The following AOPEP variants were observed in gnomAD, a reference collection of about 807,000 sequenced individuals.
AOPEP encodes aminopeptidase O.
AOPEP carries 77 observed loss-of-function variants against 98.1 expected under a neutral mutation model. The observed-to-expected ratio is 0.78, with a 90% CI of 0.65 to 0.95. AOPEP has a LOEUF of 0.95. Among genes scored for constraint, AOPEP ranks in the 40% least tolerant of loss-of-function variants. AOPEP has a pLI of 0.00. For synonymous variants in AOPEP, 346 were observed against 365.3 expected (o/e 0.95, Z 0.60); for missense variants, 1,024 against 1,024.7 (o/e 1.00, Z 0.01).
At chr9:94,790,660 T>G (rs921218764) in intron 3 of AOPEP, among the ~76,000 whole-genome samples, 3 of 152,114 alleles carry the variant, frequency 2.0e-5, no homozygotes, top group Non-Finnish European at 2.9e-5. Context: ...GAAATATTAT[T>G]TATTTTTTAC....
intron 7 of AOPEP, chr9:94,931,891 A>G (rs2055373162): frequency 8.1e-7 from 1 of 1,232,642 alleles, no homozygotes. Flanking sequence ...GTCCTTCCTC[A>G]CCTCTCTTGC....
At chr9:94,867,406 G>C (rs1272780731) in intron 5 of AOPEP, among the ~76,000 whole-genome samples, 1 of 152,186 alleles carries the variant, frequency 6.6e-6, no homozygotes, top group Non-Finnish European at 1.5e-5. Context: ...TGGCCTGTTT[G>C]CTTTCAGAGG....
chr9:95,135,373 G>A, the AOPEP span: 655 of 1,613,888 alleles, frequency 4.1e-4, 9 homozygotes, highest in East Asian at 8.0e-3. Context: ...TAAAGCATTC[G>A]ATCCTTCTCA....
chr9:95,118,385 A>G, the AOPEP span, among the ~76,000 whole-genome samples: 1 of 152,390 alleles, frequency 6.6e-6, no homozygotes, highest in Non-Finnish European at 1.5e-5. Flanking sequence ...CCAAAGAGCT[A>G]CAGCTATCTA....
chr9:94,773,296 A>T (rs1207874744), intron 3 of AOPEP, 128 bp downstream of exon 3: 6 of 808,738 alleles, frequency 7.4e-6, no homozygotes, highest in Non-Finnish European at 1.1e-5. Flanking sequence ...TCATAGTATA[A>T]AACATCCTGC....
At chr9:94,728,792 C>T (rs1039970819) in intron 1 of AOPEP, among the ~76,000 whole-genome samples, 2 of 152,182 alleles carry the variant, frequency 1.3e-5, no homozygotes, top group Admixed American at 1.3e-4. Flanking sequence ...TTCTTCCACT[C>T]TCCTGGGAGG....
intron 13 of AOPEP, chr9:95,056,613 G>C (rs2066844630): frequency 6.6e-6 from 1 of 152,200 alleles, no homozygotes; most frequent in South Asian, 2.1e-4. Flanking sequence ...CTCTAGTTTA[G>C]GAGGGTGGGT....
At chr9:94,793,642 A>G (rs549309546) in intron 4 of AOPEP, among the ~76,000 whole-genome samples, 2 of 151,470 alleles carry the variant, frequency 1.3e-5, no homozygotes, top group Non-Finnish European at 2.9e-5. Context: ...GCGCCACCGC[A>G]CTCCAGCCTG....
chr9:95,089,494 C>G (rs571131607), downstream of AOPEP, among the ~76,000 whole-genome samples: 10 of 152,316 alleles, frequency 6.6e-5, no homozygotes, highest in South Asian at 2.1e-3. Flanking sequence ...AGGGTTTGAA[C>G]GCAGGTCCAC....
chr9:94,981,462 A>G (rs1489968520), intron 11 of AOPEP, among the ~76,000 whole-genome samples: 1 of 152,186 alleles, frequency 6.6e-6, no homozygotes, highest in Non-Finnish European at 1.5e-5. Context: ...CAGTAAAAAC[A>G]ACAGGGTCAG....
chr9:95,099,501 C>G, the AOPEP span: 1 of 228,416 alleles, frequency 4.4e-6, no homozygotes, highest in African/African-American at 2.2e-5. Flanking sequence ...TTGCCGAAAT[C>G]GAAGGCAACA....
chr9:94,870,910 C>T (rs749647781), intron 5 of AOPEP, among the ~76,000 whole-genome samples: 41 of 152,314 alleles, frequency 2.7e-4, no homozygotes, highest in African/African-American at 7.0e-4. Flanking sequence ...TAAGGGTGTT[C>T]GGGCTGCTGC....
At chr9:95,020,200 G>A (rs1327889148) in intron 13 of AOPEP, 1 of 152,324 alleles carries the variant, frequency 6.6e-6, no homozygotes, top group Non-Finnish European at 1.5e-5. Flanking sequence ...GCTCCCCAAG[G>A]CAGGCATGGA....
intron 7 of AOPEP, among the ~76,000 whole-genome samples, chr9:94,946,772 T>A (rs2057677696): frequency 6.6e-6 from 1 of 152,126 alleles, no homozygotes; most frequent in Admixed American, 6.5e-5. Context: ...TTGGGCTTGG[T>A]CCTTGGTTGT....
At chr9:95,068,749 TG>T (rs1343124930) in intron 14 of AOPEP, among the ~76,000 whole-genome samples, 1 of 152,192 alleles carries the variant, frequency 6.6e-6, no homozygotes, top group African/African-American at 2.4e-5. Flanking sequence ...CTTTAGTCTC[TG>T]GGGTTTATTT....
intron 5 of AOPEP, among the ~76,000 whole-genome samples, chr9:94,831,585 G>T (rs1183023251): frequency 6.6e-6 from 1 of 152,050 alleles, no homozygotes; most frequent in African/African-American, 2.4e-5. Flanking sequence ...TTCTAATTCT[G>T]TGAAGAATGT....
At chr9:94,838,909 CTT>C (rs35849023) in intron 5 of AOPEP, among the ~76,000 whole-genome samples, 3 of 99,770 alleles carry the variant, frequency 3.0e-5, no homozygotes, top group African/African-American at 8.4e-5. Context: ...AAATGCTATT[CTT>C]TTTTTTTTTT....
the AOPEP span, among the ~76,000 whole-genome samples, chr9:95,103,780 A>G: frequency 6.6e-6 from 1 of 152,206 alleles, no homozygotes; most frequent in Non-Finnish European, 1.5e-5. Context: ...CGCAGAGCTC[A>G]CTGCAGAGGC....
the AOPEP span, among the ~76,000 whole-genome samples, chr9:95,128,080 G>A: frequency 9.2e-5 from 14 of 152,172 alleles, no homozygotes; most frequent in Non-Finnish European, 1.9e-4. Flanking sequence ...TTCAAGAGAG[G>A]AGAGGCAGGT....
Sources: gnomAD v4.1 joint callset for allele counts (sites outside exome capture counted in the v4.1 genomes callset) on GRCh38, gnomAD v4.1.1 for gene constraint, MANE v1.5 for transcripts, NCBI Gene and HGNC (gene_info 2026-07-23, HGNC 2026-07-21) for gene names.